BCAT1: variants seen among roughly 807,000 people sequenced by gnomAD.
BCAT1 encodes branched chain amino acid transaminase 1, also known as branched-chain-amino-acid aminotransferase, cytosolic.
In BCAT1, 48 loss-of-function variants were observed where a neutral mutation model predicts 52.4. That is an observed-to-expected ratio of 0.92 (90% CI 0.73 to 1.16). The LOEUF is 1.16. Ranked by LOEUF, BCAT1 falls within the 50% of genes most tolerant of loss-of-function variation. The probability of loss-of-function intolerance (pLI) is 0.00; values close to 1 mark genes in which losing one functional copy is unlikely to be tolerated. For synonymous variants in BCAT1, 167 were observed against 161.3 expected, an observed-to-expected ratio of 1.04 and a Z score of -0.27; for missense variants, 451 against 457.1, an observed-to-expected ratio of 0.99 and a Z score of 0.12.
chr12:24,858,864 T>C (rs563548747), intron 5 of BCAT1, among the ~76,000 whole-genome samples: 14 of 152,202 alleles, frequency 9.2e-5, no homozygotes, highest in African/African-American at 2.4e-4. Flanking sequence ...TTAAGTTACA[T>C]AGGATAAAGC....
At chr12:24,851,066 A>C (rs182630339) in intron 5 of BCAT1, among the ~76,000 whole-genome samples, 1 of 152,184 alleles carries the variant, frequency 6.6e-6, no homozygotes, top group Non-Finnish European at 1.5e-5. Context: ...TTGTTTATTA[A>C]GGAAGAAAAC....
At position 24,946,620 on chromosome 12, in the gene BCAT1, C is replaced by T. The variant is rs533702326; in HGVS notation, c.6+2307G>A. On this transcript the variant is annotated intron_variant, in intron 1 of 10. Transcript: ENST00000261192. ...AAATGTCTTTAAATAATTACTCCTG[C>T]GCATGCGTACGGGGGGACGTGACTG... Among the ~76,000 whole-genome samples the T allele has an allele frequency of 4.1e-4, 62 of 152,262 alleles. 1 individual carries two copies. The South Asian group carries it at 0.011, about 27-fold the overall frequency.
intron 1 of BCAT1, among the ~76,000 whole-genome samples, chr12:24,946,125 T>C (rs950768754): frequency 4.6e-5 from 7 of 152,194 alleles, no homozygotes; most frequent in Non-Finnish European, 8.8e-5. Context: ...ATGTAACTAA[T>C]ACAAAGGCTC....
chr12:24,885,639 C>T (rs1169992548), intron 3 of BCAT1, among the ~76,000 whole-genome samples: 1 of 152,176 alleles, frequency 6.6e-6, no homozygotes, highest in Non-Finnish European at 1.5e-5. Context: ...AAGGACCCTT[C>T]CTAGCAGGCA....
At chr12:24,840,719 T>A (rs1941148535) in intron 7 of BCAT1, among the ~76,000 whole-genome samples, 1 of 152,210 alleles carries the variant, frequency 6.6e-6, no homozygotes, top group Admixed American at 6.5e-5. Context: ...TTCAGCCACA[T>A]CTAAATTACC....
chr12:24,855,419 T>G (rs994611332), intron 5 of BCAT1, among the ~76,000 whole-genome samples: 1 of 152,170 alleles, frequency 6.6e-6, no homozygotes, highest in African/African-American at 2.4e-5. Context: ...CTCGCTCTCT[T>G]GCCCAGGGTG....
intron 2 of BCAT1, among the ~76,000 whole-genome samples, chr12:24,899,635 T>C (rs1320323172): frequency 6.6e-6 from 1 of 152,136 alleles, no homozygotes; most frequent in Non-Finnish European, 1.5e-5. Context: ...ATCACCTAAG[T>C]GTCCATCAAT....
Position 24,894,378 on chromosome 12 carries a change from G to A in BCAT1, c.176C>T (p.Thr59Met), listed in dbSNP as rs17374285. 3,303 of 1,613,704 alleles carry A rather than the reference G, an allele frequency of 2.0e-3. 7 individuals are homozygous for A. The highest frequency in any genetic ancestry group is 2.5e-3 in the Non-Finnish European group (2,968 of 1,179,788). ...TCCAAACTCTGAGGACCACTCCACC[G>A]TCAGCATATGATCCGTGAACACAGT... The part of the protein sequence containing the change: ...FGTVFTDHML[T>M]VEWSSEFGWE... The change falls in exon 3 of 11, where the codon ACG (threonine) becomes ATG (methionine). Residue 59 changes from threonine (T) to methionine (M), a missense_variant. Transcript: ENST00000261192.
chr12:24,915,732 C>T lies in BCAT1; in HGVS notation c.7-13847G>A, dbSNP rs533914850. On this transcript the variant is annotated intron_variant, in intron 1 of 10. Transcript: ENST00000261192. ...TGGATTACCCATGCCTAGGAGATAA[C>T]GGCTTGCAACGCAAAACAAACATTG... Among the ~76,000 whole-genome samples the T allele has an allele frequency of 5.9e-5, 9 of 152,274 alleles. No individual in the cohort carries two copies. In the South Asian group the frequency reaches 8.3e-4, roughly 14 times the overall value.
At chr12:24,837,664 T>C (rs1941038506) in intron 7 of BCAT1, among the ~76,000 whole-genome samples, 1 of 152,134 alleles carries the variant, frequency 6.6e-6, no homozygotes, top group South Asian at 2.1e-4. Flanking sequence ...TGAGCTCAGA[T>C]GATCTGCCCA....
chr12:24,814,414 T>G lies in BCAT1; in HGVS notation c.*3594A>C, dbSNP rs1004160141. On this transcript the variant is annotated 3_prime_UTR_variant, in exon 11 of 11. Transcript: ENST00000261192. ...CATAAGGGGAAACCAAATATGCAACTTGAAAAAAAAAAAGGAAACAGAATA... is the reference window on the plus strand; with the variant it reads ...CATAAGGGGAAACCAAATATGCAACGTGAAAAAAAAAAAGGAAACAGAATA... 7.0e-5 allele frequency: 5 copies of G among 71,906 alleles called. No individual in the cohort carries two copies. Among genetic ancestry groups the G allele is most frequent in the Non-Finnish European group, 1.4e-4 (5 of 34,774 alleles). The allele number at this position is 71,906 out of a possible 1,614,324, so 4.5% of individuals were successfully genotyped here. A position where few individuals can be genotyped will look rare whatever the true frequency, so the allele number is the denominator to read the frequency against.
intron 1 of BCAT1, 36 bp from the exon 2 acceptor site, chr12:24,901,921 AGGTGG>A (rs1943114947): frequency 6.2e-7 from 1 of 1,613,280 alleles, no homozygotes; most frequent in Admixed American, 1.7e-5. Flanking sequence ...AAGTAAATGC[AGGTGG>A]GTAAGCGGGA....
At chr12:24,883,022 C>T (rs1313918066) in intron 3 of BCAT1, among the ~76,000 whole-genome samples, 1 of 152,106 alleles carries the variant, frequency 6.6e-6, no homozygotes, top group African/African-American at 2.4e-5. Context: ...TGTGATGGCT[C>T]ACGTCTGTAA....
intron 3 of BCAT1, among the ~76,000 whole-genome samples, chr12:24,883,055 G>A (rs962663226): frequency 7.2e-5 from 11 of 152,206 alleles, no homozygotes; most frequent in African/African-American, 2.4e-4. Flanking sequence ...GGGAGGCCAA[G>A]GCTGTTGGAT....
At chr12:24,910,018 A>G (rs909921130) in intron 1 of BCAT1, among the ~76,000 whole-genome samples, 8 of 152,202 alleles carry the variant, frequency 5.3e-5, no homozygotes, top group Non-Finnish European at 1.2e-4. Flanking sequence ...ATGAGAGACC[A>G]TAAGGCTGAC....
At chr12:24,853,348 A>G (rs1402524750) in intron 5 of BCAT1, among the ~76,000 whole-genome samples, 2 of 152,238 alleles carry the variant, frequency 1.3e-5, no homozygotes, top group Non-Finnish European at 2.9e-5. Flanking sequence ...TAACACAGAA[A>G]CAGAAAACCA....
At chr12:24,905,722 G>T (rs962379756) in intron 1 of BCAT1, among the ~76,000 whole-genome samples, 26 of 152,212 alleles carry the variant, frequency 1.7e-4, no homozygotes, top group Admixed American at 1.4e-3. Flanking sequence ...TGTAGCTTTA[G>T]CAGTTTTCAA....
At chr12:24,913,071 T>C (rs563383497) in intron 1 of BCAT1, among the ~76,000 whole-genome samples, 24 of 152,332 alleles carry the variant, frequency 1.6e-4, no homozygotes, top group Non-Finnish European at 3.5e-4. Context: ...TGTTTGTTTT[T>C]TTAAGAGCAA....
At position 24,895,342 on chromosome 12, in the gene BCAT1, T is replaced by G. The variant is rs554033456; in HGVS notation, c.79-867A>C. On this transcript the variant is annotated intron_variant, in intron 2 of 10. Transcript: ENST00000261192. Reference sequence around the variant, plus strand: ...GAGATTGAGACCATCCTAGCTAACATGGTGAAACCCCGTCTCTACTAAAAA... The same window carrying G: ...GAGATTGAGACCATCCTAGCTAACAGGGTGAAACCCCGTCTCTACTAAAAA... Among the ~76,000 whole-genome samples, 47 of 152,186 alleles carry G rather than the reference T, an allele frequency of 3.1e-4. 1 individual carries two copies. In the South Asian group the frequency reaches 9.5e-3, roughly 31 times the overall value.
Sources: gnomAD v4.1 joint callset for allele counts (sites outside exome capture counted in the v4.1 genomes callset) on GRCh38, gnomAD v4.1.1 for gene constraint, MANE v1.5 for transcripts, NCBI Gene and HGNC (gene_info 2026-07-23, HGNC 2026-07-21) for gene names.